HAVCR2: variants seen among roughly 807,000 people sequenced by gnomAD.
HAVCR2 encodes the protein T cell immunoglobulin mucin 3.
A neutral mutation model predicts 24.7 loss-of-function variants in HAVCR2; 13 were observed. The ratio of observed to expected loss-of-function variants is 0.53; its 90% confidence interval spans 0.34 to 0.84. HAVCR2 has a LOEUF of 0.84. Among genes scored for constraint, HAVCR2 ranks in the 40% least tolerant of loss-of-function variants. HAVCR2 has a pLI of 0.01. For synonymous variants in HAVCR2, 154 were observed against 143.4 expected (o/e 1.07, Z -0.53); for missense variants, 343 against 371.2 (o/e 0.92, Z 0.62).
intron 5 of HAVCR2, among the ~76,000 whole-genome samples, chr5:157,092,908 A>C (rs1757027334): frequency 8.0e-6 from 1 of 125,668 alleles, no homozygotes; most frequent in African/African-American, 3.1e-5. Flanking sequence ...AAAAAAAAAA[A>C]AAAAAAAAAA....
In HAVCR2 at chr5:157,108,913, T is replaced by C. The variant is rs1472873211; in HGVS notation, c.58+13A>G. The C allele has an allele frequency of 6.2e-7, 1 of 1,613,306 alleles. No individual in the cohort carries two copies. Among genetic ancestry groups the C allele is most frequent in the African/African-American group, 1.3e-5 (1 of 75,030 alleles). ...ACCATTATGTCATTGTAAATATCCA[T>C]GCCGAGACTTACTTGTAAGTAGTAG... On this transcript the variant is annotated intron_variant, in intron 1 of 6. Coordinates refer to ENST00000307851, the MANE Select transcript of HAVCR2 (RefSeq NM_032782.5).
At chr5:157,090,671 T>C (rs1372523594) in intron 5 of HAVCR2, among the ~76,000 whole-genome samples, 2 of 152,106 alleles carry the variant, frequency 1.3e-5, no homozygotes, top group African/African-American at 4.8e-5. Context: ...GCATGAGCCA[T>C]TGTGCTCAGA....
At chr5:157,089,520 G>A (rs1756963636) in intron 5 of HAVCR2, among the ~76,000 whole-genome samples, 2 of 147,594 alleles carry the variant, frequency 1.4e-5, no homozygotes, top group Non-Finnish European at 3.0e-5. Context: ...TGGGCAACGA[G>A]AGCGAAACTC....
At chr5:157,094,343 C>G (rs1329350114) in intron 5 of HAVCR2, among the ~76,000 whole-genome samples, 1 of 151,756 alleles carries the variant, frequency 6.6e-6, no homozygotes. Context: ...CTGCACCTGG[C>G]CATTGTATTT....
At chr5:157,104,893 C>A in intron 2 of HAVCR2, 144 bp from the exon 3 acceptor site, 1 of 561,580 alleles carries the variant, frequency 1.8e-6, no homozygotes, top group Non-Finnish European at 3.3e-6. Flanking sequence ...GCCTGGATAC[C>A]TACGTTGAGA....
chr5:157,094,659 A>T (rs781407148), intron 5 of HAVCR2, among the ~76,000 whole-genome samples: 123 of 151,798 alleles, frequency 8.1e-4, no homozygotes, highest in Admixed American at 2.5e-3. Flanking sequence ...CTGGGATTAC[A>T]GGCGTGAGCC....
chr5:157,095,478 G>A lies in HAVCR2; in HGVS notation c.523-19C>T. On this transcript the variant is annotated intron_variant, in intron 4 of 6. Transcript: ENST00000307851. ...ATATTTGCTATGGAAACACAAACAG[G>A]ATTTAAGCAGAAAACAGCTAGAAAT... The A allele has an allele frequency of 6.2e-7, 1 of 1,613,328 alleles. No individual in the cohort carries two copies. The highest frequency in any genetic ancestry group is 8.5e-7 in the Non-Finnish European group (1 of 1,179,526).
At chr5:157,102,137 C>T (rs1757176410) in intron 3 of HAVCR2, among the ~76,000 whole-genome samples, 1 of 151,948 alleles carries the variant, frequency 6.6e-6, no homozygotes, top group Non-Finnish European at 1.5e-5. Flanking sequence ...GGGGTTTCAC[C>T]ATCTTGGCCA....
chr5:157,106,649 G>A lies in HAVCR2; in HGVS notation c.372C>T (p.Asn124=). The A allele has an allele frequency of 1.9e-6, 3 of 1,614,068 alleles. No individual in the cohort carries two copies. The highest frequency in any genetic ancestry group is 1.7e-5 in the Admixed American group (1 of 60,010). The change falls in exon 2 of 7, where the codon AAC becomes AAT. Residue 124 remains asparagine, a synonymous_variant. Transcript: ENST00000307851. The part of the protein sequence containing the change: ...IPGIMNDEKF[N]LKLVIKPAKV... ...CACCTGGTTTGATGACCAACTTCAG[G>A]TTAAATTTTTCATCATTCATTATGC...
intron 3 of HAVCR2, 61 bp from the exon 4 acceptor site, chr5:157,098,962 T>C: frequency 6.7e-7 from 1 of 1,493,184 alleles, no homozygotes; most frequent in South Asian, 1.2e-5. Context: ...GTTAAGAACG[T>C]TTTCTTTTAT....
At chr5:157,100,356 G>A (rs1239884926) in intron 3 of HAVCR2, among the ~76,000 whole-genome samples, 1 of 152,112 alleles carries the variant, frequency 6.6e-6, no homozygotes, top group African/African-American at 2.4e-5. Flanking sequence ...CCTTACCTCA[G>A]TGCTGTCATT....
chr5:157,097,458 C>T (rs1581759059), intron 4 of HAVCR2, among the ~76,000 whole-genome samples: 1 of 151,990 alleles, frequency 6.6e-6, no homozygotes, highest in African/African-American at 2.4e-5. Context: ...CAGGGTGTCA[C>T]TATGTGGCCC....
At chr5:157,098,933 A>G (rs747595714) in intron 3 of HAVCR2, 32 bp from the exon 4 acceptor site, 4 of 1,545,072 alleles carry the variant, frequency 2.6e-6, no homozygotes, top group African/African-American at 2.7e-5. Flanking sequence ...GAGAGAGAGG[A>G]AAAATAGCCA....
intron 5 of HAVCR2, among the ~76,000 whole-genome samples, chr5:157,094,725 AG>A (rs1488168872): frequency 1.3e-5 from 2 of 150,994 alleles, no homozygotes; most frequent in Non-Finnish European, 3.0e-5. Flanking sequence ...AAAAAAAAAA[AG>A]GGATAAGTAA....
intron 4 of HAVCR2, 74 bp downstream of exon 4, chr5:157,098,784 G>T: frequency 7.4e-7 from 1 of 1,342,644 alleles, no homozygotes; most frequent in Non-Finnish European, 1.1e-6. Context: ...GACAAGGTGG[G>T]CATGAAGGAA....
intron 6 of HAVCR2, 80 bp from the exon 7 acceptor site, chr5:157,087,374 A>G: frequency 1.7e-6 from 2 of 1,199,916 alleles, no homozygotes; most frequent in Non-Finnish European, 2.3e-6. Flanking sequence ...GGCTTTCCCA[A>G]AGAGACAGCA....
chr5:157,090,008 G>A (rs898562943), intron 5 of HAVCR2, among the ~76,000 whole-genome samples: 1 of 151,902 alleles, frequency 6.6e-6, no homozygotes, highest in Admixed American at 6.6e-5. Flanking sequence ...TGTGTTGTGG[G>A]TCAGGAATCC....
At position 157,098,824 on chromosome 5, in the gene HAVCR2, G is replaced by C. The variant is rs373503613; in HGVS notation, c.522+34C>G. 1,650 of 1,595,674 alleles carry C rather than the reference G, an allele frequency of 1.0e-3. 33 individuals are homozygous for C. In the South Asian group the frequency reaches 0.018, roughly 17 times the overall value. On this transcript the variant is annotated intron_variant, in intron 4 of 6. Coordinates refer to ENST00000307851, the MANE Select transcript of HAVCR2 (RefSeq NM_032782.5). Reference sequence around the variant, plus strand: ...AAAGCCATGATTTCCCCTCCAAGTTGAGTACAACATAGCTCACAAAAAAAG... The same window carrying C: ...AAAGCCATGATTTCCCCTCCAAGTTCAGTACAACATAGCTCACAAAAAAAG...
Position 157,095,382 on chromosome 5 carries a change from T to G in HAVCR2, c.600A>C (p.Arg200Ser), listed in dbSNP as rs769397225. 6.2e-7 allele frequency: 1 copy of G among 1,614,176 alleles called. No homozygotes were observed. Among genetic ancestry groups the G allele is most frequent in the South Asian group, 1.1e-5 (1 of 91,086 alleles). ...TCCCTGCTCCGATGTAGATGCCTAT[T>G]CTGATGGTTGCTCCAGAGTCCCGTA... The part of the protein sequence containing the change: ...NDLRDSGATI[R>S]IGIYIGAGIC... Residue 200 changes from arginine (R) to serine (S), a missense_variant, in exon 5 of 7, where the codon AGA (arginine) becomes AGC (serine). Transcript: ENST00000307851.
Sources: allele counts gnomAD v4.1 joint callset (sites outside exome capture counted in the v4.1 genomes callset), GRCh38; gene constraint gnomAD v4.1.1; transcripts MANE v1.5; gene names NCBI Gene and HGNC (gene_info 2026-07-23, HGNC 2026-07-21).